Variants in ARNT2 observed in about 807,000 individuals in gnomAD.
The protein encoded by ARNT2 is aryl hydrocarbon receptor nuclear translocator 2.
A neutral mutation model predicts 91.7 loss-of-function variants in ARNT2; 36 were observed. The observed-to-expected ratio is 0.39, with a 90% CI of 0.30 to 0.52. The LOEUF (loss-of-function observed/expected upper bound fraction) is 0.52. Ranked by LOEUF, ARNT2 falls within the 20% of genes least tolerant of loss-of-function variation. The pLI, the probability that ARNT2 is intolerant of heterozygous loss-of-function variation, is 0.72. For missense variants in ARNT2, 775 were observed against 939.3 expected, an observed-to-expected ratio of 0.83 and a Z score of 2.29; for synonymous variants, 365 against 347.1, an observed-to-expected ratio of 1.05 and a Z score of -0.57.
chr15:80,472,424 G>T (rs1362799669), intron 4 of ARNT2, among the ~76,000 whole-genome samples: 1 of 152,196 alleles, frequency 6.6e-6, no homozygotes, highest in African/African-American at 2.4e-5. Context: ...GAGACCTAAT[G>T]ATTTATTCTG....
intron 3 of ARNT2, among the ~76,000 whole-genome samples, chr15:80,466,236 T>G (rs1896651319): frequency 6.6e-6 from 1 of 152,208 alleles, no homozygotes; most frequent in Non-Finnish European, 1.5e-5. Flanking sequence ...AGATTAAACT[T>G]AGGAGGTCCC....
chr15:80,465,120 C>G (rs1212396025), intron 3 of ARNT2, among the ~76,000 whole-genome samples: 1 of 152,188 alleles, frequency 6.6e-6, no homozygotes, highest in African/African-American at 2.4e-5. Flanking sequence ...GAATTGCAGG[C>G]AGAAAGCCTT....
At chr15:80,566,568 C>G (rs1898488171) in intron 12 of ARNT2, among the ~76,000 whole-genome samples, 1 of 152,206 alleles carries the variant, frequency 6.6e-6, no homozygotes, top group African/African-American at 2.4e-5. Flanking sequence ...ACCAAAGCTC[C>G]CCTCCCACCT....
chr15:80,466,221 C>T (rs572311357), intron 3 of ARNT2, among the ~76,000 whole-genome samples: 32 of 152,290 alleles, frequency 2.1e-4, no homozygotes, highest in Non-Finnish European at 3.1e-4. Flanking sequence ...GGTACCTCAC[C>T]GTTCAGATTA....
chr15:80,474,767 C>T (rs549996955), intron 4 of ARNT2, among the ~76,000 whole-genome samples: 3 of 152,232 alleles, frequency 2.0e-5, no homozygotes, highest in Admixed American at 6.5e-5. Flanking sequence ...AATTTTCTCT[C>T]CCCAACAAAG....
chr15:80,514,483 T>A, intron 8 of ARNT2, 78 bp downstream of exon 8: 1 of 1,240,510 alleles, frequency 8.1e-7, no homozygotes, highest in Non-Finnish European at 1.2e-6. Flanking sequence ...TAGAGAAGTA[T>A]TCTCATAGGA....
chr15:80,508,124 G>A (rs1372395978), intron 5 of ARNT2, 32 bp from the exon 6 acceptor site: 3 of 1,609,824 alleles, frequency 1.9e-6, no homozygotes, highest in East Asian at 2.2e-5. Flanking sequence ...CGAAGGCAGA[G>A]GCTTACGTAA....
chr15:80,502,133 A>G (rs1390229759), intron 5 of ARNT2, among the ~76,000 whole-genome samples: 2 of 152,224 alleles, frequency 1.3e-5, no homozygotes, highest in South Asian at 2.1e-4. Context: ...ATAGGACATC[A>G]AGAATTCTGA....
At chr15:80,422,732 T>C (rs929398091) in intron 1 of ARNT2, among the ~76,000 whole-genome samples, 1 of 150,602 alleles carries the variant, frequency 6.6e-6, no homozygotes, top group African/African-American at 2.4e-5. Flanking sequence ...ATTAAACTTT[T>C]ACTAAGTAAG....
At chr15:80,472,039 G>A (rs1397464001) in intron 4 of ARNT2, among the ~76,000 whole-genome samples, 1 of 151,988 alleles carries the variant, frequency 6.6e-6, no homozygotes, top group African/African-American at 2.4e-5. Flanking sequence ...TTGCTTTCCT[G>A]TCTCCAAGAG....
At chr15:80,585,282 T>G (rs2141484413) in intron 17 of ARNT2, among the ~76,000 whole-genome samples, 2 of 152,316 alleles carry the variant, frequency 1.3e-5, no homozygotes, top group Middle Eastern at 3.4e-3. Flanking sequence ...ACTTAAGCCC[T>G]GAAAAATCCA....
At chr15:80,479,074 C>A (rs979021676) in intron 5 of ARNT2, among the ~76,000 whole-genome samples, 4 of 152,178 alleles carry the variant, frequency 2.6e-5, no homozygotes, top group African/African-American at 9.7e-5. Context: ...CTCCTCTGAG[C>A]CTCTCTCAGT....
At chr15:80,441,420 G>A in intron 1 of ARNT2, 1 of 980,152 alleles carries the variant, frequency 1.0e-6, no homozygotes, top group South Asian at 4.7e-5. Context: ...GAAGAGAATT[G>A]TTCTAAGAGA....
chr15:80,487,818 A>G (rs1350380516), intron 5 of ARNT2: 2 of 152,200 alleles, frequency 1.3e-5, no homozygotes, highest in East Asian at 3.9e-4. Flanking sequence ...GCATTGCAAG[A>G]CCGGAAGAGG....
intron 1 of ARNT2, among the ~76,000 whole-genome samples, chr15:80,446,885 A>T (rs1434500870): frequency 6.6e-6 from 1 of 152,170 alleles, no homozygotes; most frequent in Non-Finnish European, 1.5e-5. Flanking sequence ...CATTGCTTCC[A>T]GTTCTCACCA....
At chr15:80,422,862 T>G (rs564197664) in intron 1 of ARNT2, among the ~76,000 whole-genome samples, 2 of 152,100 alleles carry the variant, frequency 1.3e-5, no homozygotes, top group African/African-American at 4.8e-5. Context: ...AGGAGAAGAG[T>G]CTGGATTTAC....
At position 80,491,544 on chromosome 15, in the gene ARNT2, C is replaced by T. The variant is rs537823891; in HGVS notation, c.622+16321C>T. Among the ~76,000 whole-genome samples, 7 of 152,194 alleles carry T rather than the reference C, an allele frequency of 4.6e-5. No homozygotes were observed. The South Asian group carries it at 1.2e-3, about 27-fold the overall frequency. On this transcript the variant is annotated intron_variant, in intron 5 of 18. Coordinates refer to ENST00000303329, the MANE Select transcript of ARNT2 (RefSeq NM_014862.4). ...CCCTTGCAGTGAGATGAGGGGGAAACGTCAGGCCAGGGACAGCCACAGAGA... is the reference window on the plus strand; with the variant it reads ...CCCTTGCAGTGAGATGAGGGGGAAATGTCAGGCCAGGGACAGCCACAGAGA...
At chr15:80,467,668 G>C (rs1896675600) in intron 3 of ARNT2, among the ~76,000 whole-genome samples, 1 of 152,220 alleles carries the variant, frequency 6.6e-6, no homozygotes. Context: ...CATCTTGCAA[G>C]GTCAGCAGCC....
rs961867344 is a variant in ARNT2 at position 80,518,929 on chromosome 15, G to A, written c.877+4524G>A. ...TTTATCTCCCCCTACCAGAGATTGG[G>A]GGGGTGATTTTTCTTGGTTTTTCAC... On this transcript the variant is annotated intron_variant, in intron 8 of 18. Coordinates refer to ENST00000303329, the MANE Select transcript of ARNT2 (RefSeq NM_014862.4). 9.2e-5 allele frequency among the ~76,000 whole-genome samples: 14 copies of A among 152,288 alleles called. No homozygotes were observed. In the East Asian group the frequency reaches 2.5e-3, roughly 27 times the overall value.
Sources: gnomAD v4.1 joint callset for allele counts (sites outside exome capture counted in the v4.1 genomes callset) on GRCh38, gnomAD v4.1.1 for gene constraint, MANE v1.5 for transcripts, NCBI Gene and HGNC (gene_info 2026-07-23, HGNC 2026-07-21) for gene names.